Variants in HEMK2 observed in about 807,000 individuals in gnomAD.
HEMK2 encodes methyltransferase HEMK2.
the HEMK2 span, among the ~76,000 whole-genome samples, chr21:28,613,953 T>G: frequency 1 from 152,324 of 152,324 alleles, 76,162 homozygotes; most frequent in Non-Finnish European, 1. Flanking sequence ...CTCCCCACGG[T>G]TCAAGTGCAG....
the HEMK2 span, among the ~76,000 whole-genome samples, chr21:28,629,009 C>A: frequency 6.6e-6 from 1 of 152,098 alleles, no homozygotes; most frequent in Non-Finnish European, 1.5e-5. Flanking sequence ...CTGCTCGCAC[C>A]CCCAACAGAC....
the HEMK2 span, among the ~76,000 whole-genome samples, chr21:28,737,921 T>A: frequency 6.6e-6 from 1 of 152,194 alleles, no homozygotes; most frequent in Non-Finnish European, 1.5e-5. Flanking sequence ...TAAAGAATCA[T>A]GTTCAGGGAG....
chr21:28,836,806 C>T, the HEMK2 span, among the ~76,000 whole-genome samples: 92 of 136,910 alleles, frequency 6.7e-4, no homozygotes, highest in Non-Finnish European at 1.3e-3. Context: ...TAAAGTAAAG[C>T]GGTTAAAAAA....
the HEMK2 span, among the ~76,000 whole-genome samples, chr21:28,867,525 T>A: frequency 6.6e-6 from 1 of 152,218 alleles, no homozygotes. Flanking sequence ...GAGATTTTAC[T>A]CCACTTGCAA....
chr21:28,691,957 A>G, the HEMK2 span, among the ~76,000 whole-genome samples: 2 of 152,250 alleles, frequency 1.3e-5, no homozygotes, highest in African/African-American at 4.8e-5. Context: ...TTCAAAGTTT[A>G]TCATACAGAA....
chr21:28,855,529 G>T, the HEMK2 span, among the ~76,000 whole-genome samples: 1 of 152,120 alleles, frequency 6.6e-6, no homozygotes, highest in Non-Finnish European at 1.5e-5. Flanking sequence ...GGGCCTAATA[G>T]AACTCTTCCA....
chr21:28,613,074 TGATA>T, the HEMK2 span, among the ~76,000 whole-genome samples: 131 of 150,862 alleles, frequency 8.7e-4, no homozygotes, highest in Middle Eastern at 3.5e-3. Flanking sequence ...TGAAGAAATG[TGATA>T]GATAGATAGA....
the HEMK2 span, among the ~76,000 whole-genome samples, chr21:28,752,715 C>T: frequency 8.5e-5 from 13 of 152,306 alleles, no homozygotes; most frequent in South Asian, 2.3e-3. Context: ...CTCTGCACCA[C>T]GTCCTCATCG....
chr21:28,584,163 T>C, the HEMK2 span, among the ~76,000 whole-genome samples: 1 of 152,172 alleles, frequency 6.6e-6, no homozygotes, highest in South Asian at 2.1e-4. Context: ...CTATTAAAAT[T>C]CTCTCAAGGG....
the HEMK2 span, among the ~76,000 whole-genome samples, chr21:28,794,225 T>C: frequency 0.026 from 4,011 of 152,318 alleles, 184 homozygotes; most frequent in African/African-American, 0.091. Context: ...AATACTTCAC[T>C]GTCTACCTAC....
chr21:28,655,394 GA>G, the HEMK2 span, among the ~76,000 whole-genome samples: 1 of 151,750 alleles, frequency 6.6e-6, no homozygotes, highest in Non-Finnish European at 1.5e-5. Flanking sequence ...CTATAAATAA[GA>G]AAAAAATAAA....
At chr21:28,885,223 G>C in the HEMK2 span, 1 of 1,578,564 alleles carries the variant, frequency 6.3e-7, no homozygotes, top group Non-Finnish European at 8.7e-7. Context: ...CTGCCAGTTC[G>C]GCAGCCGCTG....
At chr21:28,783,908 C>T in the HEMK2 span, among the ~76,000 whole-genome samples, 1 of 152,228 alleles carries the variant, frequency 6.6e-6, no homozygotes, top group Non-Finnish European at 1.5e-5. Context: ...AGGCCAGCAG[C>T]TGCAGAGGGT....
the HEMK2 span, among the ~76,000 whole-genome samples, chr21:28,770,823 T>A: frequency 6.6e-6 from 1 of 152,110 alleles, no homozygotes; most frequent in Non-Finnish European, 1.5e-5. Flanking sequence ...TGGTCTGTGG[T>A]ATTCTCTCAT....
chr21:28,760,295 T>C, the HEMK2 span, among the ~76,000 whole-genome samples: 1 of 152,218 alleles, frequency 6.6e-6, no homozygotes, highest in South Asian at 2.1e-4. Flanking sequence ...AAGCCCATGC[T>C]ATATCAAGGC....
chr21:28,650,222 C>A, the HEMK2 span, among the ~76,000 whole-genome samples: 2 of 152,136 alleles, frequency 1.3e-5, no homozygotes, highest in Admixed American at 6.5e-5. Context: ...TAGTGAAACC[C>A]CGTCTCTACT....
chr21:28,775,383 A>G, the HEMK2 span, among the ~76,000 whole-genome samples: 3 of 152,228 alleles, frequency 2.0e-5, no homozygotes, highest in East Asian at 1.9e-4. Flanking sequence ...TCAGGAAAAC[A>G]AAGTCCAGAA....
At chr21:28,641,027 A>G in the HEMK2 span, among the ~76,000 whole-genome samples, 2 of 152,228 alleles carry the variant, frequency 1.3e-5, no homozygotes, top group Non-Finnish European at 2.9e-5. Flanking sequence ...TTTACTGTTA[A>G]GAAAAACTGA....
the HEMK2 span, among the ~76,000 whole-genome samples, chr21:28,623,772 G>A: frequency 1.3e-5 from 2 of 152,204 alleles, no homozygotes; most frequent in Non-Finnish European, 2.9e-5. Context: ...TCATGAGTGG[G>A]AGTTGAACAG....
Sources: allele counts gnomAD v4.1 joint callset (sites outside exome capture counted in the v4.1 genomes callset), GRCh38; gene constraint gnomAD v4.1.1; transcripts MANE v1.5; gene names NCBI Gene and HGNC (gene_info 2026-07-23, HGNC 2026-07-21).